Variants in CABIN1 observed in about 807,000 individuals in gnomAD.
The protein encoded by CABIN1 is calcineurin-binding protein cabin-1.
CABIN1 carries 133 observed loss-of-function variants against 227.7 expected under a neutral mutation model. The ratio of observed to expected loss-of-function variants is 0.58; its 90% confidence interval spans 0.51 to 0.67. The LOEUF (loss-of-function observed/expected upper bound fraction) is 0.67. Ranked by LOEUF, CABIN1 falls within the 30% of genes least tolerant of loss-of-function variation. The pLI, the probability that CABIN1 is intolerant of heterozygous loss-of-function variation, is 0.00. For synonymous variants in CABIN1, 1,086 were observed against 1,155.1 expected (o/e 0.94, Z 1.21); for missense variants, 2,408 against 2,852.5 (o/e 0.84, Z 3.55).
intron 23 of CABIN1, among the ~76,000 whole-genome samples, chr22:24,089,250 T>A (rs965899251): frequency 6.6e-6 from 1 of 152,236 alleles, no homozygotes; most frequent in Non-Finnish European, 1.5e-5. Flanking sequence ...TGTAGAGCTT[T>A]GTTTGTAGAG....
At chr22:24,069,150 T>C (rs1054540820) in intron 16 of CABIN1, among the ~76,000 whole-genome samples, 3 of 152,252 alleles carry the variant, frequency 2.0e-5, no homozygotes, top group Non-Finnish European at 4.4e-5. Flanking sequence ...AGCTGCCTAT[T>C]ATGTTCTTCA....
In CABIN1 at chr22:24,177,969, C is replaced by T; in HGVS notation, c.6520-84C>T. 2 of 1,591,282 alleles carry T rather than the reference C, an allele frequency of 1.3e-6. No homozygotes were observed. The highest frequency in any genetic ancestry group is 1.7e-6 in the Non-Finnish European group (2 of 1,169,528). The stretch of plus-strand genomic sequence containing the variant: ...GCAGGGGTGAGGGTGGGAGGGGGGC[C>T]TGGGGCAGGGGTGAAGGTGGCAGAG... On this transcript the variant is annotated intron_variant, in intron 36 of 36. Coordinates refer to ENST00000263119, the MANE Select transcript of CABIN1 (RefSeq NM_012295.4). This position sits in a 1 kb window ranked among gnomAD's most constrained non-coding sequence, Gnocchi z 4.4.
chr22:24,063,014 C>G lies in CABIN1; in HGVS notation c.1752C>G (p.Phe584Leu), dbSNP rs1039796075. The G allele has an allele frequency of 6.2e-7, 1 of 1,614,098 alleles. No individual in the cohort carries two copies. The highest frequency in any genetic ancestry group is 1.3e-5 in the African/African-American group (1 of 74,936). Residue 584 changes from phenylalanine (F) to leucine (L), a missense_variant, in exon 14 of 37, where the codon TTC (phenylalanine) becomes TTG (leucine). Coordinates refer to ENST00000263119, the MANE Select transcript of CABIN1 (RefSeq NM_012295.4). Reference sequence around the variant, plus strand: ...TGAATGGCAGATTTGGACCTGACTTCCCAGGGACCCACTGCCTGGGTGACC... The same window carrying G: ...TGAATGGCAGATTTGGACCTGACTTGCCAGGGACCCACTGCCTGGGTGACC... ...GMVNGRFGPDFPGTHCLGDLL... is the reference protein window; with the variant it reads ...GMVNGRFGPDLPGTHCLGDLL...
intron 24 of CABIN1, among the ~76,000 whole-genome samples, chr22:24,095,661 A>C (rs565658856): frequency 6.6e-6 from 1 of 152,026 alleles, no homozygotes; most frequent in Non-Finnish European, 1.5e-5. Context: ...AAGGGTTATC[A>C]TAATGAGTGG....
In CABIN1 at chr22:24,177,107, G is replaced by A. The variant is rs2047160176; in HGVS notation, c.6206-397G>A. On this transcript the variant is annotated intron_variant, in intron 35 of 36. Coordinates refer to ENST00000263119, the MANE Select transcript of CABIN1 (RefSeq NM_012295.4). This position sits in a 1 kb window ranked among gnomAD's most constrained non-coding sequence, Gnocchi z 4.4. The stretch of plus-strand genomic sequence containing the variant: ...GCTCAGTGACCATGCCTGGCTGAGC[G>A]ACCAGCTCTGGGCTTCAGTGTCCTC... Among the ~76,000 whole-genome samples the A allele has an allele frequency of 6.6e-6, 1 of 152,224 alleles. No individual in the cohort carries two copies. Among genetic ancestry groups the A allele is most frequent in the African/African-American group, 2.4e-5 (1 of 41,466 alleles).
rs115590961 is a variant in CABIN1 at position 24,041,579 on chromosome 22, A to G, written c.345+306A>G. The stretch of plus-strand genomic sequence containing the variant: ...CTCTTGGTATCTCTAGGTCTACACC[A>G]ATATAGTGGTAATAATAAAGAAGAG... On this transcript the variant is annotated intron_variant, in intron 5 of 36. Coordinates refer to ENST00000263119, the MANE Select transcript of CABIN1 (RefSeq NM_012295.4). Among the ~76,000 whole-genome samples, 1,461 of 152,306 alleles carry G rather than the reference A, an allele frequency of 9.6e-3. 29 individuals carry two copies. The highest frequency in any genetic ancestry group is 0.033 in the African/African-American group (1,372 of 41,540).
intron 4 of CABIN1, among the ~76,000 whole-genome samples, chr22:24,039,292 C>G (rs559766742): frequency 6.6e-6 from 1 of 152,172 alleles, no homozygotes; most frequent in Non-Finnish European, 1.5e-5. Context: ...GGCATGCAGA[C>G]ACTTATGACT....
intron 18 of CABIN1, among the ~76,000 whole-genome samples, chr22:24,074,811 C>T (rs930677839): frequency 1.3e-5 from 2 of 152,158 alleles, no homozygotes; most frequent in Admixed American, 1.3e-4. Context: ...GAAAACACTG[C>T]AAACTAAATC....
chr22:24,068,886 G>GCTT (rs1395865804), intron 16 of CABIN1, among the ~76,000 whole-genome samples: 1 of 152,168 alleles, frequency 6.6e-6, no homozygotes, highest in Non-Finnish European at 1.5e-5. Context: ...TACACACATA[G>GCTT]CTTGAGCTTT....
At chr22:24,166,497 C>T in intron 31 of CABIN1, 142 bp from the exon 32 acceptor site, 1 of 1,026,312 alleles carries the variant, frequency 9.7e-7, no homozygotes, top group South Asian at 1.3e-5. Context: ...AACTGAAACA[C>T]AGCCCTGGCC....
At chr22:24,064,519 T>G (rs922271492) in intron 15 of CABIN1, among the ~76,000 whole-genome samples, 2 of 148,106 alleles carry the variant, frequency 1.4e-5, no homozygotes, top group Non-Finnish European at 3.0e-5. Flanking sequence ...AAGGTTTTTT[T>G]TTTTTTTTTT....
At chr22:24,020,399 G>T (rs1223289010) in intron 1 of CABIN1, among the ~76,000 whole-genome samples, 3 of 151,982 alleles carry the variant, frequency 2.0e-5, no homozygotes, top group Non-Finnish European at 4.4e-5. Flanking sequence ...ACTGCTTACT[G>T]CTGCCTCAAC....
chr22:24,098,617 A>C (rs2042033648), intron 26 of CABIN1, among the ~76,000 whole-genome samples: 1 of 152,112 alleles, frequency 6.6e-6, no homozygotes, highest in Non-Finnish European at 1.5e-5. Flanking sequence ...CTGAAGGTTG[A>C]GGGAAGGCCG....
chr22:24,035,704 C>T (rs551230052), intron 2 of CABIN1, among the ~76,000 whole-genome samples, 184 bp downstream of exon 2: 167 of 152,182 alleles, frequency 1.1e-3, no homozygotes, highest in Non-Finnish European at 2.0e-3. Flanking sequence ...AAGCGGCTTG[C>T]AGGACCTTGT....
At position 24,100,448 on chromosome 22, in the gene CABIN1, A is replaced by C. The variant is rs2042137423; in HGVS notation, c.4117+2256A>C. 1.3e-5 allele frequency among the ~76,000 whole-genome samples: 2 copies of C among 152,246 alleles called. 1 individual carries two copies. Among genetic ancestry groups the C allele is most frequent in the South Asian group, 4.1e-4 (2 of 4,834 alleles). The stretch of plus-strand genomic sequence containing the variant: ...GGAGAAGCAGCAGATTGCTGGTGTC[A>C]GGGGATGTGCTGGTGGCCTCAAGGG... On this transcript the variant is annotated intron_variant, in intron 26 of 36. Coordinates refer to ENST00000263119, the MANE Select transcript of CABIN1 (RefSeq NM_012295.4).
chr22:24,100,594 G>A (rs921184370), intron 26 of CABIN1, among the ~76,000 whole-genome samples: 3 of 152,220 alleles, frequency 2.0e-5, no homozygotes, highest in Non-Finnish European at 2.9e-5. Context: ...GGAGAGGGGC[G>A]TCAGCACTGA....
At chr22:24,025,657 T>C (rs1190370988) in intron 1 of CABIN1, among the ~76,000 whole-genome samples, 1 of 152,184 alleles carries the variant, frequency 6.6e-6, no homozygotes, top group Non-Finnish European at 1.5e-5. Flanking sequence ...TTCAGTCAGG[T>C]TGCAAAGTTT....
At chr22:24,094,065 T>A (rs767847406) in intron 24 of CABIN1, among the ~76,000 whole-genome samples, 2 of 152,084 alleles carry the variant, frequency 1.3e-5, no homozygotes, top group Non-Finnish European at 2.9e-5. Context: ...GGCAGGTGCC[T>A]TGGAAGAACT....
intron 31 of CABIN1, among the ~76,000 whole-genome samples, chr22:24,165,922 C>T (rs530373580): frequency 7.2e-5 from 11 of 152,368 alleles, no homozygotes; most frequent in East Asian, 1.9e-4. Flanking sequence ...CCCAAGCCCT[C>T]TCCCTGGCAG....
Sources: gnomAD v4.1 joint callset for allele counts (sites outside exome capture counted in the v4.1 genomes callset) on GRCh38, gnomAD v4.1.1 for gene constraint, Gnocchi (gnomAD v3.1) non-coding constraint, MANE v1.5 for transcripts, NCBI Gene and HGNC (gene_info 2026-07-23, HGNC 2026-07-21) for gene names.